CDH23: variants seen among roughly 807,000 people sequenced by gnomAD.
CDH23 encodes cadherin related 23.
Under a neutral mutation model 317.1 loss-of-function variants are expected in CDH23, and 189 were observed. The ratio of observed to expected loss-of-function variants is 0.60; its 90% CI spans 0.53 to 0.67. The LOEUF (loss-of-function observed/expected upper bound fraction) is 0.67, where lower values mean the gene tolerates loss of function less well. Among genes scored for constraint, CDH23 ranks in the 30% least tolerant of loss-of-function variants. CDH23 has a pLI of 0.00. For missense variants in CDH23, 4,401 were observed against 4,592.4 expected (o/e 0.96, Z 1.20); for synonymous variants, 1,839 against 1,876.8 (o/e 0.98, Z 0.52).
chr10:71,472,175 G>A (rs1408474057), intron 3 of CDH23, among the ~76,000 whole-genome samples: 1 of 152,224 alleles, frequency 6.6e-6, no homozygotes, highest in East Asian at 1.9e-4. Context: ...CAGATCAGCT[G>A]GCTTCTGCCT....
intron 9 of CDH23, among the ~76,000 whole-genome samples, chr10:71,608,494 C>T (rs556636979): frequency 6.6e-6 from 1 of 152,328 alleles, no homozygotes; most frequent in Admixed American, 6.5e-5. Context: ...TCTTCTCTCC[C>T]CTGCGGCCCC....
intron 26 of CDH23, among the ~76,000 whole-genome samples, chr10:71,708,126 C>T (rs1003555057): frequency 2.0e-5 from 3 of 152,248 alleles, no homozygotes; most frequent in Non-Finnish European, 4.4e-5. Flanking sequence ...CTGGGCTCCC[C>T]GGGAGTCAGA....
chr10:71,635,758 A>G (rs1481706479), intron 11 of CDH23, among the ~76,000 whole-genome samples: 2 of 151,764 alleles, frequency 1.3e-5, no homozygotes, highest in Non-Finnish European at 2.9e-5. Context: ...GAGAGAGAAG[A>G]GAGGCTTAGT....
At position 71,798,568 on chromosome 10, in the gene CDH23, C is replaced by CT. The variant is rs1841470009; in HGVS notation, c.7045dup (p.Ser2349PhefsTer37). The stretch of plus-strand genomic sequence containing the variant: ...CCCCAGGGTATGTCCAGCTGGAGGA[C>CT]TCCTCGGCAGGTAGGTTAGAAATCT... On this transcript the variant is annotated frameshift_variant, in exon 50 of 70. Transcript: ENST00000224721. LOFTEE classifies it high-confidence loss of function. 1 of 1,609,130 alleles carries CT rather than the reference C, an allele frequency of 6.2e-7. No individual in the cohort carries two copies. The highest frequency in any genetic ancestry group is 1.1e-5 in the South Asian group (1 of 90,766).
At chr10:71,514,813 G>A (rs761878509) in intron 6 of CDH23, among the ~76,000 whole-genome samples, 1 of 152,202 alleles carries the variant, frequency 6.6e-6, no homozygotes, top group Non-Finnish European at 1.5e-5. Flanking sequence ...AGCCAGCCTC[G>A]ACAGACCTCA....
chr10:71,673,945 C>T (rs1864251485), intron 14 of CDH23, among the ~76,000 whole-genome samples: 1 of 152,178 alleles, frequency 6.6e-6, no homozygotes, highest in Non-Finnish European at 1.5e-5. Context: ...CATGCACCCC[C>T]TGAGAACCTG....
intron 55 of CDH23, among the ~76,000 whole-genome samples, chr10:71,804,696 A>G (rs2121534): frequency 0.79 from 120,143 of 152,150 alleles, 47,599 homozygotes; most frequent in African/African-American, 0.85. Context: ...TTTCAGAGTG[A>G]TCAGGATATC....
chr10:71,539,622 C>G (rs1371878842), intron 6 of CDH23, among the ~76,000 whole-genome samples: 3 of 152,108 alleles, frequency 2.0e-5, no homozygotes, highest in Admixed American at 6.5e-5. Flanking sequence ...GCAAACCCAG[C>G]CTCTCTCCTC....
intron 11 of CDH23, among the ~76,000 whole-genome samples, chr10:71,624,225 G>A (rs1033953843): frequency 2.0e-5 from 3 of 152,248 alleles, no homozygotes; most frequent in East Asian, 1.9e-4. Flanking sequence ...GGACTTGGGC[G>A]CCTCTCTGGG....
rs1055810300 is a variant in CDH23 at position 71,755,450 on chromosome 10, G to T, written c.4845+13529G>T. ...CTACGATGCAGGCACCCGTAGCCAG[G>T]GCTGCAGCCGTGATGTCTGAAAGGG... is the stretch of plus-strand genomic sequence containing the variant. On this transcript the variant is annotated intron_variant, in intron 38 of 69. Transcript: ENST00000224721. The T allele has an allele frequency of 7.4e-6, 12 of 1,611,968 alleles. No individual in the cohort carries two copies. The African/African-American group carries it at 1.6e-4, about 22-fold the overall frequency.
intron 9 of CDH23, among the ~76,000 whole-genome samples, chr10:71,589,679 G>A (rs1034414182): frequency 6.6e-6 from 1 of 152,232 alleles, no homozygotes; most frequent in Admixed American, 6.5e-5. Context: ...GGGAGATGGT[G>A]AGGAAGAAGG....
At chr10:71,730,213 C>T (rs2132818748) in intron 30 of CDH23, among the ~76,000 whole-genome samples, 1 of 152,266 alleles carries the variant, frequency 6.6e-6, no homozygotes, top group African/African-American at 2.4e-5. Context: ...GTCAGATGTT[C>T]CACAGCATTA....
At chr10:71,700,744 G>C (rs74147029) in intron 22 of CDH23, among the ~76,000 whole-genome samples, 3,591 of 152,274 alleles carry the variant, frequency 0.024, 158 homozygotes, top group African/African-American at 0.082. Flanking sequence ...GCCTGCCTAG[G>C]GTGCCACAGC....
chr10:71,794,845 T>C (rs1212061659), intron 48 of CDH23, among the ~76,000 whole-genome samples: 1 of 152,176 alleles, frequency 6.6e-6, no homozygotes, highest in Non-Finnish European at 1.5e-5. Context: ...TGAAACTGTC[T>C]GAGGATGCTC....
At chr10:71,601,651 G>A (rs994393423) in intron 9 of CDH23, among the ~76,000 whole-genome samples, 2 of 152,156 alleles carry the variant, frequency 1.3e-5, no homozygotes, top group African/African-American at 2.4e-5. Context: ...GGAGGGTAAC[G>A]GGGTGCTGGG....
At chr10:71,789,291 G>A (rs1375426821) in intron 45 of CDH23, among the ~76,000 whole-genome samples, 2 of 152,190 alleles carry the variant, frequency 1.3e-5, no homozygotes, top group Non-Finnish European at 2.9e-5. Context: ...TGGTCTGAGA[G>A]CTGCCCCACC....
chr10:71,632,550 G>A (rs1391779997), intron 11 of CDH23, among the ~76,000 whole-genome samples: 1 of 152,158 alleles, frequency 6.6e-6, no homozygotes, highest in Non-Finnish European at 1.5e-5. Context: ...TATAGGAAAG[G>A]CAGAGGTTGA....
At chr10:71,536,793 C>A (rs927109833) in intron 6 of CDH23, among the ~76,000 whole-genome samples, 1 of 151,926 alleles carries the variant, frequency 6.6e-6, no homozygotes, top group African/African-American at 2.4e-5. Context: ...GGCCAGGATC[C>A]CAAGTGGAGG....
intron 6 of CDH23, among the ~76,000 whole-genome samples, chr10:71,513,091 G>A (rs1264280895): frequency 6.6e-6 from 1 of 152,210 alleles, no homozygotes; most frequent in East Asian, 1.9e-4. Flanking sequence ...GACAAGGAGA[G>A]GGTAGGCTGA....
Sources: allele counts gnomAD v4.1 joint callset (sites outside exome capture counted in the v4.1 genomes callset), GRCh38; gene constraint gnomAD v4.1.1; transcripts MANE v1.5; gene names NCBI Gene and HGNC (gene_info 2026-07-23, HGNC 2026-07-21).